Variants in PINX1 observed in about 807,000 individuals in gnomAD.
PINX1 encodes the protein PIN2 (TERF1) interacting telomerase inhibitor 1.
PINX1 carries 34 observed loss-of-function variants against 25.4 expected under a neutral mutation model. That is an observed-to-expected ratio of 1.34 (90% CI 1.02 to 1.78). The LOEUF (loss-of-function observed/expected upper bound fraction) is 1.78, where lower values mean the gene tolerates loss of function less well. Among genes scored for constraint, PINX1 ranks in the 40% most tolerant of loss-of-function variants. The pLI, the probability that PINX1 is intolerant of heterozygous loss-of-function variation, is 0.00. For synonymous variants in PINX1, 197 were observed against 147.7 expected (o/e 1.33, Z -2.42); for missense variants, 592 against 404.9 (o/e 1.46, Z -3.97).
Position 10,793,001 on chromosome 8 carries a change from G to C in PINX1, c.472-27085C>G, listed in dbSNP as rs373601242. Among the ~76,000 whole-genome samples, 34 of 152,220 alleles carry C rather than the reference G, an allele frequency of 2.2e-4. No individual in the cohort carries two copies. The South Asian group carries it at 6.6e-3, about 30-fold the overall frequency. ...AGACTGTCTTGTTGCCACTTCCATG[G>C]ATTTGCTAGATCCTGCTCCAAATGA... is the stretch of plus-strand genomic sequence containing the variant. On this transcript the variant is annotated intron_variant, in intron 6 of 6. Coordinates refer to ENST00000314787, the MANE Select transcript of PINX1 (RefSeq NM_017884.6).
intron 6 of PINX1, among the ~76,000 whole-genome samples, chr8:10,818,444 C>G (rs1294811910): frequency 2.0e-5 from 3 of 152,160 alleles, no homozygotes; most frequent in Admixed American, 6.5e-5. Context: ...GATCAGAAAC[C>G]TCTGATCTCT....
chr8:10,765,109 T>C lies in PINX1; in HGVS notation c.*292A>G, dbSNP rs1176265922. 2.7e-6 allele frequency: 1 copy of C among 376,512 alleles called. No individual in the cohort carries two copies. The highest frequency in any genetic ancestry group is 4.8e-6 in the Non-Finnish European group (1 of 208,882). 23.3% of individuals were successfully genotyped at this position (376,512 alleles called of 1,614,324 possible). ...GCACACACACGTGTGCACACTTACA[T>C]GAATGCATGTATTTGTAATGATTAT... On this transcript the variant is annotated 3_prime_UTR_variant, in exon 7 of 7. Transcript: ENST00000314787.
rs148929763 is a variant in PINX1, at chr8:10,815,333, G to A, written c.471+4860C>T. 2.0e-3 allele frequency among the ~76,000 whole-genome samples: 308 copies of A among 152,292 alleles called. 1 individual carries two copies. The highest frequency in any genetic ancestry group is 7.2e-3 in the African/African-American group (301 of 41,562). ...ACATGTCCTAGAAATCTTGCATTTA[G>A]CTTGGATTGTTGTTTCGCTTTGATA... is the stretch of plus-strand genomic sequence containing the variant. On this transcript the variant is annotated intron_variant, in intron 6 of 6. Coordinates refer to ENST00000314787, the MANE Select transcript of PINX1 (RefSeq NM_017884.6).
rs547975007 is a variant in PINX1, at chr8:10,831,684, G to T, written c.282C>A (p.Cys94Ter). The change falls in exon 4 of 7, where the codon TGC (cysteine) becomes TGA (stop). Residue 94 changes from cysteine (C) to a stop codon, truncating the protein, a stop_gained. Transcript: ENST00000314787. LOFTEE classifies it high-confidence loss of function. The stretch of plus-strand genomic sequence containing the variant: ...CCCTACCTGTGGTTTCCTGCCCATG[G>T]CAAGTGTTCAGTTCGGCCAGAAGCT... ...FNQLLAELNTCHGQETTDSSD... is the reference protein window; with the variant it reads ...FNQLLAELNT 2.5e-6 allele frequency: 4 copies of T among 1,601,192 alleles called. No homozygotes were observed. The Admixed American group carries it at 5.1e-5, about 20-fold the overall frequency.
chr8:10,799,325 T>C (rs1218371134), intron 6 of PINX1, among the ~76,000 whole-genome samples: 1 of 152,214 alleles, frequency 6.6e-6, no homozygotes, highest in Admixed American at 6.5e-5. Flanking sequence ...GGTGTGTTCA[T>C]GCTTCACGTG....
chr8:10,795,696 T>A (rs1208185977), intron 6 of PINX1, among the ~76,000 whole-genome samples: 3 of 152,218 alleles, frequency 2.0e-5, no homozygotes, highest in African/African-American at 7.2e-5. Flanking sequence ...CTTATTTTTA[T>A]AGTCACTGCT....
At chr8:10,769,255 C>G (rs901315899) in intron 6 of PINX1, among the ~76,000 whole-genome samples, 1 of 152,104 alleles carries the variant, frequency 6.6e-6, no homozygotes, top group African/African-American at 2.4e-5. Flanking sequence ...CCACTAATGG[C>G]AAAAACCGTG....
chr8:10,806,322 G>T (rs539271257), intron 6 of PINX1, among the ~76,000 whole-genome samples: 9 of 152,336 alleles, frequency 5.9e-5, no homozygotes, highest in African/African-American at 1.4e-4. Context: ...ACGCACGTGT[G>T]GGGGAGAGGT....
At chr8:10,808,161 A>G (rs4841447) in intron 6 of PINX1, among the ~76,000 whole-genome samples, 33,116 of 152,202 alleles carry the variant, frequency 0.22, 5,425 homozygotes, top group African/African-American at 0.46. Context: ...CAAATAACAA[A>G]TTCACTAATC....
chr8:10,811,293 C>T (rs1454513841), intron 6 of PINX1, among the ~76,000 whole-genome samples: 2 of 152,210 alleles, frequency 1.3e-5, no homozygotes, highest in Non-Finnish European at 2.9e-5. Flanking sequence ...ATTCACAACA[C>T]TATATGGCCC....
intron 5 of PINX1, among the ~76,000 whole-genome samples, chr8:10,824,070 ATCTACAATGCT>A (rs771678417): frequency 1.4e-3 from 209 of 151,930 alleles, no homozygotes; most frequent in Middle Eastern, 6.8e-3. Flanking sequence ...AATCTTTATT[ATCTACAATGCT>A]GAAAAAGCAA....
rs75056127 is a variant in PINX1 at position 10,783,568 on chromosome 8, T to C, written c.472-17652A>G. Among the ~76,000 whole-genome samples the C allele has an allele frequency of 2.1e-3, 313 of 152,328 alleles. 3 individuals are homozygous for C. Among genetic ancestry groups the C allele is most frequent in the African/African-American group, 7.2e-3 (298 of 41,578 alleles). On this transcript the variant is annotated intron_variant, in intron 6 of 6. Transcript: ENST00000314787. Reference sequence around the variant, plus strand: ...GCTGAATCCAGCGCTGCATCACATATGCCCCCAGTCCTCTGGCACAGCACT... The same window carrying C: ...GCTGAATCCAGCGCTGCATCACATACGCCCCCAGTCCTCTGGCACAGCACT...
rs1190395553 is a variant in PINX1 at position 10,785,462 on chromosome 8, A to C, written c.472-19546T>G. ...CAGTTTGAATTACAAAGAACTCCTA[A>C]GGCACAGGAAAATGTTTATTTAAAT... is the stretch of plus-strand genomic sequence containing the variant. On this transcript the variant is annotated intron_variant, in intron 6 of 6. Coordinates refer to ENST00000314787, the MANE Select transcript of PINX1 (RefSeq NM_017884.6). Among the ~76,000 whole-genome samples the C allele has an allele frequency of 2.6e-5, 4 of 152,352 alleles. No individual in the cohort carries two copies. In the East Asian group the frequency reaches 7.7e-4, roughly 29 times the overall value.
chr8:10,828,837 G>A (rs905484506), intron 4 of PINX1, among the ~76,000 whole-genome samples: 3 of 152,274 alleles, frequency 2.0e-5, no homozygotes, highest in Non-Finnish European at 2.9e-5. Flanking sequence ...AGGGACAAGG[G>A]AAAATACTGT....
chr8:10,834,623 T>G (rs1334974568), intron 2 of PINX1, 43 bp downstream of exon 2: 1 of 1,600,254 alleles, frequency 6.2e-7, no homozygotes, highest in South Asian at 1.1e-5. Flanking sequence ...ATTTCTAATC[T>G]CTTTTCATAG....
intron 6 of PINX1, among the ~76,000 whole-genome samples, chr8:10,815,240 C>T (rs1352400860): frequency 2.0e-5 from 3 of 152,214 alleles, no homozygotes; most frequent in Non-Finnish European, 4.4e-5. Flanking sequence ...CTGTGCCCAG[C>T]TAGCAATTTC....
chr8:10,833,591 GCGGGAGGC>G (rs1798295951), intron 2 of PINX1: 1 of 88,220 alleles, frequency 1.1e-5, no homozygotes, highest in Non-Finnish European at 2.6e-5. Context: ...CGACTGGGGT[GCGGGAGGC>G]TGGAGAAGAA....
intron 6 of PINX1, among the ~76,000 whole-genome samples, chr8:10,816,619 C>G (rs918289991): frequency 5.3e-5 from 8 of 152,330 alleles, no homozygotes; most frequent in Admixed American, 4.6e-4. Context: ...AAATTTAAAC[C>G]ATTATTTTCC....
At chr8:10,777,332 G>A (rs369468283) in intron 6 of PINX1, among the ~76,000 whole-genome samples, 1 of 152,222 alleles carries the variant, frequency 6.6e-6, no homozygotes, top group Non-Finnish European at 1.5e-5. Context: ...CTAGAAAGCA[G>A]AGGCAGGCCC....
Sources: gnomAD v4.1 joint callset for allele counts (sites outside exome capture counted in the v4.1 genomes callset) on GRCh38, gnomAD v4.1.1 for gene constraint, MANE v1.5 for transcripts, NCBI Gene and HGNC (gene_info 2026-07-23, HGNC 2026-07-21) for gene names.